Variants in FAM110B observed in about 807,000 individuals in gnomAD.
FAM110B encodes the protein family with sequence similarity 110 member B.
FAM110B carries 6 observed loss-of-function variants against 20.4 expected under a neutral mutation model. The observed-to-expected ratio is 0.29, with a 90% CI of 0.16 to 0.58. The LOEUF is 0.58. FAM110B is among the 20% of genes least tolerant of loss of function. FAM110B has a pLI of 0.90. For missense variants in FAM110B, 434 were observed against 498.2 expected, an observed-to-expected ratio of 0.87 and a Z score of 1.23; for synonymous variants, 226 against 214.1, an observed-to-expected ratio of 1.06 and a Z score of -0.49.
At chr8:58,007,904 G>A (rs112685373) in intron 1 of FAM110B, among the ~76,000 whole-genome samples, 16 of 152,268 alleles carry the variant, frequency 1.1e-4, no homozygotes, top group African/African-American at 3.4e-4. Flanking sequence ...AGAATGTTAC[G>A]TCAGAAGGTG....
chr8:58,115,567 T>C (rs1807186058), intron 3 of FAM110B, among the ~76,000 whole-genome samples: 1 of 152,046 alleles, frequency 6.6e-6, no homozygotes, highest in African/African-American at 2.4e-5. Context: ...CTAATTTTTG[T>C]ATTTTTAGTA....
chr8:58,033,005 A>G (rs1489020670), intron 2 of FAM110B, among the ~76,000 whole-genome samples: 1 of 152,240 alleles, frequency 6.6e-6, no homozygotes, highest in Non-Finnish European at 1.5e-5. Context: ...AAATGATCCC[A>G]TCAGCCAGGT....
chr8:58,126,156 T>C (rs1807498438), intron 3 of FAM110B, among the ~76,000 whole-genome samples: 1 of 152,230 alleles, frequency 6.6e-6, no homozygotes, highest in African/African-American at 2.4e-5. Context: ...ATACAGTATG[T>C]GACTGTGTGA....
chr8:58,058,164 G>A (rs1205748084), intron 2 of FAM110B, among the ~76,000 whole-genome samples: 1 of 152,152 alleles, frequency 6.6e-6, no homozygotes, highest in African/African-American at 2.4e-5. Context: ...TTGCTATAGT[G>A]ACAGCTGTTA....
intron 3 of FAM110B, among the ~76,000 whole-genome samples, chr8:58,123,886 A>AT (rs1489662907): frequency 6.6e-6 from 1 of 152,242 alleles, no homozygotes; most frequent in Non-Finnish European, 1.5e-5. Context: ...TTCTGAGTTA[A>AT]TTAAGAGTGT....
intron 1 of FAM110B, among the ~76,000 whole-genome samples, chr8:58,012,403 T>A (rs1207267072): frequency 6.6e-6 from 1 of 152,180 alleles, no homozygotes; most frequent in African/African-American, 2.4e-5. Flanking sequence ...AGTTATTTTG[T>A]TCAAACTTTT....
rs112362256 is a variant in FAM110B at position 58,055,865 on chromosome 8, C to T, written c.-413-19670C>T. Among the ~76,000 whole-genome samples the T allele has an allele frequency of 3.0e-3, 456 of 152,286 alleles. 3 individuals carry two copies. The highest frequency in any genetic ancestry group is 0.01 in the African/African-American group (426 of 41,564). On this transcript the variant is annotated intron_variant, in intron 2 of 3. Transcript: ENST00000519262. ...TTTCATGATAAAAGTTAACAATTTG[C>T]GGAAACTGGAGAGAAACATTGACTG...
At chr8:58,126,231 C>T (rs1056358196) in intron 3 of FAM110B, among the ~76,000 whole-genome samples, 3 of 149,950 alleles carry the variant, frequency 2.0e-5, no homozygotes, top group Non-Finnish European at 4.5e-5. Context: ...CTCAATAGTT[C>T]GTTCCTTTTC....
Position 58,146,103 on chromosome 8 carries a change from C to T in FAM110B, c.-128C>T, listed in dbSNP as rs2150646496. The T allele has an allele frequency of 1.8e-6, 2 of 1,110,306 alleles. No individual in the cohort carries two copies. The highest frequency in any genetic ancestry group is 3.1e-5 in the African/African-American group (2 of 63,538). 68.8% of individuals were successfully genotyped at this position (1,110,306 alleles called of 1,614,324 possible). On this transcript the variant is annotated 5_prime_UTR_variant, in exon 4 of 4. Coordinates refer to ENST00000519262, the MANE Select transcript of FAM110B (RefSeq NM_001377989.1). The stretch of plus-strand genomic sequence containing the variant: ...GTGAGATGAGGCGCTGCTGCGGCCG[C>T]TGCTGCTGACACTCGCTCCCAGGCT...
intron 3 of FAM110B, among the ~76,000 whole-genome samples, chr8:58,101,552 T>C (rs1234594381): frequency 6.6e-6 from 1 of 152,186 alleles, no homozygotes; most frequent in African/African-American, 2.4e-5. Context: ...AACCCAAAAA[T>C]AGCTTTTTGT....
At chr8:58,138,912 G>T (rs1803681488) in intron 3 of FAM110B, among the ~76,000 whole-genome samples, 1 of 152,104 alleles carries the variant, frequency 6.6e-6, no homozygotes, top group African/African-American at 2.4e-5. Flanking sequence ...GGTAAAAGTT[G>T]GCCTTCCCTG....
At chr8:58,086,036 G>T (rs907730980) in intron 3 of FAM110B, among the ~76,000 whole-genome samples, 16 of 152,184 alleles carry the variant, frequency 1.1e-4, no homozygotes, top group African/African-American at 3.6e-4. Flanking sequence ...CTGATACCTG[G>T]TTCTCACTTG....
chr8:58,121,114 G>C lies in FAM110B; in HGVS notation c.-324-24793G>C, dbSNP rs117689433. 1.2e-4 allele frequency among the ~76,000 whole-genome samples: 19 copies of C among 152,308 alleles called. No homozygotes were observed. The East Asian group carries it at 3.1e-3, about 25-fold the overall frequency. ...TTTTAGTCAGTGGCAAGTTCATGCA[G>C]AAAAATCAGCACTGTAATAGGATGA... On this transcript the variant is annotated intron_variant, in intron 3 of 3. Transcript: ENST00000519262.
At chr8:58,077,466 T>C (rs1806066234) in intron 3 of FAM110B, among the ~76,000 whole-genome samples, 1 of 152,208 alleles carries the variant, frequency 6.6e-6, no homozygotes, top group African/African-American at 2.4e-5. Context: ...GCAGTTGAGT[T>C]TGCAGCCCTA....
intron 1 of FAM110B, among the ~76,000 whole-genome samples, chr8:58,004,828 T>C (rs753016375): frequency 5.9e-5 from 9 of 152,222 alleles, no homozygotes; most frequent in Non-Finnish European, 8.8e-5. Context: ...TCAGCCTTCA[T>C]TGAAGAGAGT....
chr8:58,147,419 G>A lies in FAM110B; in HGVS notation c.*76G>A, dbSNP rs1361205846. 6.0e-6 allele frequency: 9 copies of A among 1,498,256 alleles called. No individual in the cohort carries two copies. The East Asian group carries it at 1.4e-4, about 23-fold the overall frequency. The allele number at this position is 1,498,256 out of a possible 1,614,324, so 92.8% of individuals were successfully genotyped here. On this transcript the variant is annotated 3_prime_UTR_variant, in exon 4 of 4. Transcript: ENST00000519262. Reference sequence around the variant, plus strand: ...GAAGGTTGTGAGGTCTCCTTGAAGTGTTGTGAGCTTCTCCACTCTTTGTGT... The same window carrying A: ...GAAGGTTGTGAGGTCTCCTTGAAGTATTGTGAGCTTCTCCACTCTTTGTGT...
At chr8:58,110,453 C>G (rs572251268) in intron 3 of FAM110B, among the ~76,000 whole-genome samples, 1 of 152,054 alleles carries the variant, frequency 6.6e-6, no homozygotes, top group South Asian at 2.1e-4. Context: ...ACTAAAATGT[C>G]TCAGAAGGTA....
intron 1 of FAM110B, among the ~76,000 whole-genome samples, chr8:58,008,377 C>T (rs1363702714): frequency 6.6e-6 from 1 of 152,142 alleles, no homozygotes; most frequent in Non-Finnish European, 1.5e-5. Context: ...CAGTGATCCA[C>T]CCTCCTCGGC....
intron 3 of FAM110B, among the ~76,000 whole-genome samples, chr8:58,142,745 G>A (rs1329871119): frequency 1.3e-5 from 2 of 152,316 alleles, no homozygotes; most frequent in Admixed American, 6.5e-5. Context: ...TTTATGAATC[G>A]AAGTTTCTCC....
Sources: allele counts gnomAD v4.1 joint callset (sites outside exome capture counted in the v4.1 genomes callset), GRCh38; gene constraint gnomAD v4.1.1; transcripts MANE v1.5; gene names NCBI Gene and HGNC (gene_info 2026-07-23, HGNC 2026-07-21).